Variants in CDH13 observed in about 807,000 individuals in gnomAD.
CDH13 encodes the protein cadherin-13.
A neutral mutation model predicts 63.8 loss-of-function variants in CDH13; 24 were observed. The observed-to-expected ratio is 0.38, with a 90% confidence interval of 0.27 to 0.53. The LOEUF is 0.53. Among genes scored for constraint, CDH13 ranks in the 20% least tolerant of loss-of-function variants. The probability of loss-of-function intolerance (pLI) is 0.85; values close to 1 mark genes in which losing one functional copy is unlikely to be tolerated. For synonymous variants in CDH13, 503 were observed against 355.3 expected (o/e 1.42, Z -4.67); for missense variants, 1,049 against 903.1 (o/e 1.16, Z -2.07).
At chr16:83,321,533 T>TTC (rs2090224518) in intron 5 of CDH13, among the ~76,000 whole-genome samples, 1 of 144,334 alleles carries the variant, frequency 6.9e-6, no homozygotes, top group Non-Finnish European at 1.5e-5. Context: ...GAATTTTTTT[T>TTC]TTTTTTTTTT....
chr16:83,080,755 C>A (rs2033171088), intron 3 of CDH13, among the ~76,000 whole-genome samples: 1 of 151,728 alleles, frequency 6.6e-6, no homozygotes, highest in African/African-American at 2.4e-5. Flanking sequence ...TGTTCTAACC[C>A]ACAAGGAAGA....
intron 2 of CDH13, among the ~76,000 whole-genome samples, chr16:83,014,742 AAATAT>A (rs1377215817): frequency 6.1e-4 from 18 of 29,582 alleles, no homozygotes; most frequent in African/African-American, 1.5e-3. Flanking sequence ...AAAAAAAAAA[AAATAT>A]ATATATATAT....
intron 2 of CDH13, among the ~76,000 whole-genome samples, chr16:82,940,608 C>G (rs1001138857): frequency 1.3e-5 from 2 of 152,192 alleles, no homozygotes; most frequent in African/African-American, 4.8e-5. Context: ...TAGCTGGTTC[C>G]TGCTTCATAC....
chr16:83,731,949 G>T (rs998116898), intron 10 of CDH13, among the ~76,000 whole-genome samples: 1 of 152,230 alleles, frequency 6.6e-6, no homozygotes, highest in Admixed American at 6.5e-5. Flanking sequence ...TTGCTTTTCA[G>T]ATTAAATAAC....
intron 2 of CDH13, among the ~76,000 whole-genome samples, chr16:82,874,053 T>C (rs2040426492): frequency 1.5e-5 from 1 of 68,194 alleles, no homozygotes; most frequent in African/African-American, 7.3e-5. Flanking sequence ...GATAATAAGA[T>C]GCACACATTG....
intron 3 of CDH13, among the ~76,000 whole-genome samples, chr16:83,048,367 G>A (rs917490369): frequency 1.3e-5 from 2 of 152,154 alleles, no homozygotes; most frequent in Non-Finnish European, 2.9e-5. Flanking sequence ...ACAGGATGGG[G>A]GTGATACGAA....
chr16:83,222,605 G>A (rs1210312398), intron 5 of CDH13, among the ~76,000 whole-genome samples: 1 of 151,986 alleles, frequency 6.6e-6, no homozygotes, highest in Non-Finnish European at 1.5e-5. Context: ...TACTTGGAAA[G>A]GACCCCAGCC....
At chr16:83,777,034 A>C (rs1048585881) in intron 11 of CDH13, among the ~76,000 whole-genome samples, 1 of 151,966 alleles carries the variant, frequency 6.6e-6, no homozygotes, top group Non-Finnish European at 1.5e-5. Flanking sequence ...TTCCCACTGC[A>C]CTCTGCTCTT....
intron 1 of CDH13, among the ~76,000 whole-genome samples, chr16:82,718,401 C>G (rs111473576): frequency 3.9e-5 from 6 of 152,074 alleles, no homozygotes; most frequent in Non-Finnish European, 5.9e-5. Flanking sequence ...TAGATTTCCC[C>G]GGGCAGGTGA....
intron 3 of CDH13, among the ~76,000 whole-genome samples, chr16:83,116,326 G>A (rs560399754): frequency 1.5e-4 from 23 of 152,148 alleles, no homozygotes; most frequent in Admixed American, 1.3e-3. Flanking sequence ...GGGATGGGGC[G>A]GGGAAGGAGG....
intron 2 of CDH13, among the ~76,000 whole-genome samples, chr16:82,926,808 A>C (rs13335339): frequency 6.6e-6 from 1 of 152,190 alleles, no homozygotes; most frequent in Non-Finnish European, 1.5e-5. Flanking sequence ...CAGGGGTATC[A>C]TTGGTCCATT....
chr16:83,284,000 G>T (rs993999622), intron 5 of CDH13, among the ~76,000 whole-genome samples: 2 of 152,164 alleles, frequency 1.3e-5, no homozygotes, highest in African/African-American at 4.8e-5. Flanking sequence ...GGATAGACAT[G>T]TATCTTTACA....
intron 8 of CDH13, among the ~76,000 whole-genome samples, chr16:83,625,879 C>T (rs920739537): frequency 1.3e-5 from 2 of 152,216 alleles, no homozygotes; most frequent in East Asian, 3.9e-4. Context: ...GAGACAAATG[C>T]AAGCAATAGT....
At chr16:83,012,291 C>G (rs1232722345) in intron 2 of CDH13, among the ~76,000 whole-genome samples, 1 of 146,532 alleles carries the variant, frequency 6.8e-6, no homozygotes, top group Non-Finnish European at 1.5e-5. Flanking sequence ...GATGTTAAAA[C>G]AATTTGGGGG....
At chr16:83,691,533 A>T (rs943981394) in intron 10 of CDH13, among the ~76,000 whole-genome samples, 2 of 152,062 alleles carry the variant, frequency 1.3e-5, no homozygotes, top group Admixed American at 6.5e-5. Context: ...AGAAAAGTAC[A>T]TAGCCAGCCA....
rs1043211296 is a variant in CDH13 at position 83,506,358 on chromosome 16, C to T, written c.960+19703C>T. 4.6e-5 allele frequency among the ~76,000 whole-genome samples: 7 copies of T among 152,150 alleles called. No homozygotes were observed. In the South Asian group the frequency reaches 1.5e-3, roughly 32 times the overall value. The stretch of plus-strand genomic sequence containing the variant: ...CCAGTTCTGCTATGAATGCTCCTGA[C>T]TCCTGCACTCAAATCCCAACAGATG... On this transcript the variant is annotated intron_variant, in intron 7 of 13. Transcript: ENST00000567109.
chr16:82,682,303 G>A lies in CDH13; in HGVS notation c.45+55166G>A, dbSNP rs180698856. Among the ~76,000 whole-genome samples, 69 of 152,288 alleles carry A rather than the reference G, an allele frequency of 4.5e-4. 1 individual carries two copies. Among genetic ancestry groups the A allele is most frequent in the African/African-American group, 1.6e-3 (66 of 41,558 alleles). ...TTCCATCTGTCTAGGTGTGAGCCTTGGAATCTGCATTTATCAAGCTTTTCT... is the reference window on the plus strand; with the variant it reads ...TTCCATCTGTCTAGGTGTGAGCCTTAGAATCTGCATTTATCAAGCTTTTCT... On this transcript the variant is annotated intron_variant, in intron 1 of 13. Coordinates refer to ENST00000567109, the MANE Select transcript of CDH13 (RefSeq NM_001257.5).
intron 1 of CDH13, among the ~76,000 whole-genome samples, chr16:82,649,895 G>A (rs748082097): frequency 1.3e-5 from 2 of 152,148 alleles, no homozygotes; most frequent in Non-Finnish European, 2.9e-5. Context: ...CTATATCCTG[G>A]GGTTCCTGAG....
chr16:83,583,397 C>G (rs144078579), intron 7 of CDH13, among the ~76,000 whole-genome samples: 131 of 152,332 alleles, frequency 8.6e-4, no homozygotes, highest in Middle Eastern at 6.8e-3. Context: ...CTTTGAGGAG[C>G]TATCATTCTT....
Sources: gnomAD v4.1 joint callset for allele counts (sites outside exome capture counted in the v4.1 genomes callset) on GRCh38, gnomAD v4.1.1 for gene constraint, MANE v1.5 for transcripts, NCBI Gene and HGNC (gene_info 2026-07-23, HGNC 2026-07-21) for gene names.